The following ZNF704 variants were observed in gnomAD, a reference collection of about 807,000 sequenced individuals.
The protein encoded by ZNF704 is glucocorticoid induced gene 1.
A neutral mutation model predicts 44.7 loss-of-function variants in ZNF704; 10 were observed. The observed-to-expected ratio is 0.22, with a 90% CI of 0.14 to 0.38. ZNF704 has a LOEUF of 0.38. Among genes scored for constraint, ZNF704 ranks in the 10% least tolerant of loss-of-function variants. The pLI is 1.00. For missense variants in ZNF704, 390 were observed against 545.5 expected, an observed-to-expected ratio of 0.71 and a Z score of 2.84; for synonymous variants, 211 against 207.6, an observed-to-expected ratio of 1.02 and a Z score of -0.14.
intron 2 of ZNF704, among the ~76,000 whole-genome samples, chr8:80,763,584 C>CT (rs1807168755): frequency 6.6e-6 from 1 of 152,176 alleles, no homozygotes; most frequent in South Asian, 2.1e-4. Flanking sequence ...ATTTTCCCTC[C>CT]TAGGCCTCTG....
At chr8:80,834,972 T>C (rs563264166) in intron 1 of ZNF704, among the ~76,000 whole-genome samples, 2 of 152,324 alleles carry the variant, frequency 1.3e-5, no homozygotes, top group African/African-American at 4.8e-5. Flanking sequence ...TTTGCTATTG[T>C]AAATAGTGTA....
intron 2 of ZNF704, among the ~76,000 whole-genome samples, chr8:80,709,620 C>G (rs1818953568): frequency 6.6e-6 from 1 of 152,050 alleles, no homozygotes; most frequent in Non-Finnish European, 1.5e-5. Flanking sequence ...GACCACCAGG[C>G]AGGTTTGACC....
At position 80,664,847 on chromosome 8, in the gene ZNF704, G is replaced by A. The variant is rs1818163694; in HGVS notation, c.895C>T (p.Leu299Phe). 11 of 1,614,132 alleles carry A rather than the reference G, an allele frequency of 6.8e-6. No individual in the cohort carries two copies. Among genetic ancestry groups the A allele is most frequent in the Non-Finnish European group, 9.3e-6 (11 of 1,180,054 alleles). Residue 299 changes from leucine to phenylalanine, a missense_variant, in exon 6 of 9, where the codon CTC (leucine) becomes TTC (phenylalanine). By Grantham distance (22) the Leu-to-Phe change is conservative. Around this residue, in one of 3 missense-constraint regions of ZNF704, gnomAD observed 305 missense variants for 435.7 expected, o/e 0.70. Coordinates refer to ENST00000327835, the MANE Select transcript of ZNF704 (RefSeq NM_001033723.3). ...TPLSRSAPTT[L>F]YLVHTDHAYQ... is the part of the protein sequence containing the mutation. ...GCATGGTCAGTGTGCACGAGGTAGA[G>A]GGTGGTGGGAGCTGAGCGGCTCAAC...
chr8:80,656,337 T>C (rs1285110790), intron 7 of ZNF704, among the ~76,000 whole-genome samples: 1 of 152,226 alleles, frequency 6.6e-6, no homozygotes, highest in Non-Finnish European at 1.5e-5. Context: ...ATTTCTGTTG[T>C]TTAAGCTGCC....
At chr8:80,700,398 A>C (rs1818790616) in intron 2 of ZNF704, among the ~76,000 whole-genome samples, 1 of 152,160 alleles carries the variant, frequency 6.6e-6, no homozygotes, top group Non-Finnish European at 1.5e-5. Context: ...GCTTCACAAA[A>C]CTTCAGATTC....
At chr8:80,786,714 C>G (rs1231957443) in intron 2 of ZNF704, among the ~76,000 whole-genome samples, 1 of 152,158 alleles carries the variant, frequency 6.6e-6, no homozygotes, top group African/African-American at 2.4e-5. Flanking sequence ...TGTGCTCAGT[C>G]AGACAATCAC....
chr8:80,811,049 G>T (rs1808073047), intron 2 of ZNF704, among the ~76,000 whole-genome samples: 1 of 152,180 alleles, frequency 6.6e-6, no homozygotes, highest in Non-Finnish European at 1.5e-5. Context: ...TGGGATAAAT[G>T]AGATGTTGGA....
intron 2 of ZNF704, among the ~76,000 whole-genome samples, chr8:80,704,741 C>T (rs558813603): frequency 6.6e-6 from 1 of 152,162 alleles, no homozygotes; most frequent in Non-Finnish European, 1.5e-5. Flanking sequence ...GGGGGAGGTG[C>T]CCCCAGGAAG....
At chr8:80,673,812 C>T (rs1364217747) in intron 4 of ZNF704, among the ~76,000 whole-genome samples, 3 of 152,244 alleles carry the variant, frequency 2.0e-5, no homozygotes, top group African/African-American at 7.2e-5. Context: ...TGTGGCAGCA[C>T]ATTGCAGCAG....
intron 2 of ZNF704, among the ~76,000 whole-genome samples, chr8:80,738,729 T>C (rs1292369142): frequency 1.3e-5 from 2 of 152,200 alleles, no homozygotes; most frequent in East Asian, 1.9e-4. Flanking sequence ...TATTGTTCTT[T>C]CCCAGATATG....
At chr8:80,761,099 A>AT (rs1427931166) in intron 2 of ZNF704, among the ~76,000 whole-genome samples, 2 of 152,120 alleles carry the variant, frequency 1.3e-5, no homozygotes, top group African/African-American at 2.4e-5. Flanking sequence ...CAGTACCCTT[A>AT]TACAAGGGCT....
At chr8:80,818,041 C>T (rs1400278493) in intron 2 of ZNF704, among the ~76,000 whole-genome samples, 1 of 152,122 alleles carries the variant, frequency 6.6e-6, no homozygotes, top group Non-Finnish European at 1.5e-5. Context: ...TCTGAAACTA[C>T]AGTGAGGTAG....
chr8:80,662,584 C>T (rs1264201398), intron 6 of ZNF704, among the ~76,000 whole-genome samples: 1 of 152,204 alleles, frequency 6.6e-6, no homozygotes, highest in African/African-American at 2.4e-5. Flanking sequence ...TATTCAATTA[C>T]TCTTGAGTTT....
chr8:80,670,334 C>A (rs1201927974), intron 5 of ZNF704, among the ~76,000 whole-genome samples, 169 bp downstream of exon 5: 1 of 152,144 alleles, frequency 6.6e-6, no homozygotes, highest in African/African-American at 2.4e-5. Flanking sequence ...TTCCACTGTG[C>A]CATATTGGCT....
intron 2 of ZNF704, among the ~76,000 whole-genome samples, chr8:80,738,572 C>CTTT (rs60033942): frequency 6.8e-6 from 1 of 147,304 alleles, no homozygotes; most frequent in African/African-American, 2.5e-5. Flanking sequence ...ACTCCAGAGT[C>CTTT]TTTTTTTTTT....
At chr8:80,649,789 CCTGT>C (rs1817887195) in intron 7 of ZNF704, among the ~76,000 whole-genome samples, 1 of 152,192 alleles carries the variant, frequency 6.6e-6, no homozygotes, top group South Asian at 2.1e-4. Flanking sequence ...CTTAAATGTC[CCTGT>C]CTGACAGCTT....
chr8:80,843,990 T>TATATATATATATATATACATATATATAC (rs869102299), intron 1 of ZNF704, among the ~76,000 whole-genome samples: 1 of 145,408 alleles, frequency 6.9e-6, no homozygotes, highest in African/African-American at 2.6e-5. Context: ...TATATATATA[T>TATATATATATATATATACATATATATAC]ACACATACAC....
intron 1 of ZNF704, among the ~76,000 whole-genome samples, chr8:80,848,493 A>G (rs1224141488): frequency 6.6e-6 from 1 of 152,224 alleles, no homozygotes; most frequent in Non-Finnish European, 1.5e-5. Context: ...AAGGATGAAC[A>G]GGATCCTTCT....
rs550490532 is a variant in ZNF704 at position 80,865,369 on chromosome 8, AC to A, written c.-22+9201del. ...AGTGAGTGGAGAAGCTAGAATCTGA[AC>A]CCAGAGCCTGTGCCACATCACTTCT... On this transcript the variant is annotated intron_variant, in intron 1 of 8. Transcript: ENST00000327835. Among the ~76,000 whole-genome samples the A allele has an allele frequency of 5.9e-5, 9 of 152,260 alleles. No homozygotes were observed. In the East Asian group the frequency reaches 1.7e-3, roughly 29 times the overall value.
Sources: allele counts gnomAD v4.1 joint callset (sites outside exome capture counted in the v4.1 genomes callset), GRCh38; gene constraint gnomAD v4.1.1; regional missense constraint gnomAD v4.1.1; transcripts MANE v1.5; gene names NCBI Gene and HGNC (gene_info 2026-07-23, HGNC 2026-07-21).